The following PLEKHG1 variants were observed in gnomAD, a reference collection of about 807,000 sequenced individuals.
PLEKHG1 encodes the protein pleckstrin homology and RhoGEF domain containing G1, also known as pleckstrin homology domain-containing family G member 1.
A neutral mutation model predicts 100.8 loss-of-function variants in PLEKHG1; 44 were observed. That is an observed-to-expected ratio of 0.44 (90% CI 0.34 to 0.56). The LOEUF (loss-of-function observed/expected upper bound fraction) is 0.56. Among genes scored for constraint, PLEKHG1 ranks in the 20% least tolerant of loss-of-function variants. The probability of loss-of-function intolerance (pLI) is 0.01; values close to 1 mark genes in which losing one functional copy is unlikely to be tolerated. For synonymous variants in PLEKHG1, 640 were observed against 662.5 expected (o/e 0.97, Z 0.52); for missense variants, 1,545 against 1,720.9 (o/e 0.90, Z 1.81).
At chr6:150,621,668 C>T (rs377582579) in intron 1 of PLEKHG1, among the ~76,000 whole-genome samples, 4 of 152,304 alleles carry the variant, frequency 2.6e-5, no homozygotes, top group Admixed American at 1.3e-4. Context: ...AGCCACCATG[C>T]CTGGCTGGCA....
intron 2 of PLEKHG1, among the ~76,000 whole-genome samples, chr6:150,737,592 T>C (rs151236450): frequency 0.011 from 1,690 of 152,328 alleles, 18 homozygotes; most frequent in Non-Finnish European, 0.017. Context: ...GCGCCCGGCC[T>C]GGGTATTCTT....
intron 3 of PLEKHG1, among the ~76,000 whole-genome samples, chr6:150,714,397 G>A (rs1245924622): frequency 1.3e-5 from 2 of 152,172 alleles, no homozygotes; most frequent in African/African-American, 4.8e-5. Flanking sequence ...TGAACCCAGG[G>A]AGGAATGCTT....
intron 3 of PLEKHG1, among the ~76,000 whole-genome samples, chr6:150,771,950 C>T (rs1320053983): frequency 1.3e-5 from 2 of 152,132 alleles, no homozygotes; most frequent in Non-Finnish European, 2.9e-5. Flanking sequence ...TGTCATATTA[C>T]TCCTTTCTTT....
At chr6:150,808,762 A>G (rs1447231779) in intron 7 of PLEKHG1, among the ~76,000 whole-genome samples, 1 of 152,108 alleles carries the variant, frequency 6.6e-6, no homozygotes, top group Non-Finnish European at 1.5e-5. Flanking sequence ...AAGAAAACAA[A>G]ACAAAACAAA....
At chr6:150,694,360 G>T (rs928578985) in intron 3 of PLEKHG1, among the ~76,000 whole-genome samples, 1 of 152,174 alleles carries the variant, frequency 6.6e-6, no homozygotes, top group Non-Finnish European at 1.5e-5. Context: ...CTGCCTTTTA[G>T]AATTGTTGTG....
At chr6:150,691,403 A>G (rs577966657) in intron 3 of PLEKHG1, among the ~76,000 whole-genome samples, 14 of 152,210 alleles carry the variant, frequency 9.2e-5, no homozygotes, top group African/African-American at 1.7e-4. Flanking sequence ...AATGTTATAA[A>G]GGACAGAGCC....
intron 3 of PLEKHG1, among the ~76,000 whole-genome samples, chr6:150,678,427 A>G (rs1421344534): frequency 6.6e-6 from 1 of 152,142 alleles, no homozygotes; most frequent in East Asian, 1.9e-4. Context: ...CCATTAATAT[A>G]TAAGCAGGAA....
intron 3 of PLEKHG1, among the ~76,000 whole-genome samples, chr6:150,665,485 C>G (rs1440091539): frequency 2.0e-5 from 3 of 151,956 alleles, no homozygotes; most frequent in Non-Finnish European, 4.4e-5. Context: ...AAAAAATTAG[C>G]TGGGCATGGT....
intron 2 of PLEKHG1, among the ~76,000 whole-genome samples, chr6:150,758,051 G>T (rs74837440): frequency 1.3e-5 from 2 of 152,098 alleles, no homozygotes; most frequent in East Asian, 1.9e-4. Flanking sequence ...TGGTGTATAC[G>T]TACCACATTT....
chr6:150,676,282 A>G (rs1220656779), intron 3 of PLEKHG1, among the ~76,000 whole-genome samples: 1 of 152,244 alleles, frequency 6.6e-6, no homozygotes, highest in African/African-American at 2.4e-5. Flanking sequence ...TTCTAATTGG[A>G]TAAGTGGTCC....
At chr6:150,665,949 C>A (rs746774859) in intron 3 of PLEKHG1, among the ~76,000 whole-genome samples, 13 of 152,068 alleles carry the variant, frequency 8.5e-5, no homozygotes, top group Middle Eastern at 3.2e-3. Context: ...AGCCATCTGC[C>A]CATGATGGGG....
chr6:150,682,115 T>G (rs1369392294), intron 3 of PLEKHG1, among the ~76,000 whole-genome samples: 1 of 152,176 alleles, frequency 6.6e-6, no homozygotes, highest in African/African-American at 2.4e-5. Context: ...ACCACCTTGT[T>G]GAGGCCATGC....
chr6:150,661,871 T>C (rs2128580498), intron 3 of PLEKHG1, among the ~76,000 whole-genome samples: 1 of 152,326 alleles, frequency 6.6e-6, no homozygotes, highest in South Asian at 2.1e-4. Context: ...ATTTATGTAT[T>C]GTCCCCATTT....
chr6:150,739,967 C>A (rs938385317), intron 2 of PLEKHG1, among the ~76,000 whole-genome samples: 1 of 152,206 alleles, frequency 6.6e-6, no homozygotes, highest in East Asian at 1.9e-4. Context: ...ACTGCCATAG[C>A]CTAGAAGAGG....
chr6:150,706,998 CTTTTTTTTTTTTT>C (rs71014517), intron 3 of PLEKHG1, among the ~76,000 whole-genome samples: 1 of 51,934 alleles, frequency 1.9e-5, no homozygotes, highest in Admixed American at 4.0e-4. Context: ...TTTTCTTTTT[CTTTTTTTTTTTTT>C]TTTTTTTTTT....
At chr6:150,730,389 G>A (rs904023925) in intron 1 of PLEKHG1, among the ~76,000 whole-genome samples, 4 of 152,090 alleles carry the variant, frequency 2.6e-5, no homozygotes, top group South Asian at 2.1e-4. Flanking sequence ...GTTCCACCTC[G>A]GATCATCAGG....
At chr6:150,716,660 A>G (rs1051145985), upstream of PLEKHG1, among the ~76,000 whole-genome samples, 10 of 152,094 alleles carry the variant, frequency 6.6e-5, no homozygotes, top group African/African-American at 2.2e-4. Flanking sequence ...CAGCCCTCCT[A>G]GACAGCCCCA....
chr6:150,809,824 A>T, intron 10 of PLEKHG1, 90 bp downstream of exon 11: 1 of 875,336 alleles, frequency 1.1e-6, no homozygotes, highest in Non-Finnish European at 1.8e-6. Flanking sequence ...AGCCGAGATC[A>T]CATCATTGAA....
chr6:150,804,232 G>A (rs1162403772), intron 6 of PLEKHG1, among the ~76,000 whole-genome samples: 2 of 125,448 alleles, frequency 1.6e-5, no homozygotes, highest in African/African-American at 3.1e-5. Context: ...TGTCAGCCAG[G>A]CTGGAGTGCA....
Sources: allele counts gnomAD v4.1 joint callset (sites outside exome capture counted in the v4.1 genomes callset), GRCh38; gene constraint gnomAD v4.1.1; transcripts MANE v1.5; gene names NCBI Gene and HGNC (gene_info 2026-07-23, HGNC 2026-07-21).